Variants in PRRC2B observed in about 807,000 individuals in gnomAD.
The protein encoded by PRRC2B is protein PRRC2B.
Under a neutral mutation model 242.3 loss-of-function variants are expected in PRRC2B, and 68 were observed. The observed-to-expected ratio is 0.28, with a 90% CI of 0.23 to 0.34. The LOEUF (loss-of-function observed/expected upper bound fraction) is 0.34, where lower values mean the gene tolerates loss of function less well. Ranked by LOEUF, PRRC2B falls within the 10% of genes least tolerant of loss-of-function variation. The pLI is 1.00. For missense variants in PRRC2B, 2,835 were observed against 2,954.8 expected, an observed-to-expected ratio of 0.96 and a Z score of 0.94; for synonymous variants, 1,228 against 1,173.6, an observed-to-expected ratio of 1.05 and a Z score of -0.95.
intron 3 of PRRC2B, among the ~76,000 whole-genome samples, chr9:131,434,626 A>G (rs1315750296): frequency 6.6e-6 from 1 of 152,244 alleles, no homozygotes; most frequent in African/African-American, 2.4e-5. Context: ...GTTTGTAATA[A>G]TCACGAATGG....
intron 8 of PRRC2B, among the ~76,000 whole-genome samples, 172 bp from the exon 9 acceptor site, chr9:131,447,490 C>G (rs1023342884): frequency 2.6e-5 from 4 of 152,178 alleles, no homozygotes; most frequent in Non-Finnish European, 5.9e-5. Context: ...CAAGGCAGAA[C>G]TTCTTTCTGG....
Position 131,446,388 on chromosome 9 carries a change from T to C in PRRC2B, c.614-13T>C. On this transcript the variant is annotated splice_polypyrimidine_tract_variant and intron_variant, in intron 6 of 31. Coordinates refer to ENST00000683519, the MANE Select transcript of PRRC2B (RefSeq NM_013318.4). The surrounding 1 kb of genome is among the most constrained non-coding windows in gnomAD (Gnocchi z 4.1). ...CTCTTCCCTCTCCCCTTTTGCCCCC[T>C]TTCAATTTCCAGATGTGACAAGCTG... The C allele has an allele frequency of 6.2e-7, 1 of 1,613,340 alleles. No individual in the cohort carries two copies. The highest frequency in any genetic ancestry group is 8.5e-7 in the Non-Finnish European group (1 of 1,179,676).
intron 2 of PRRC2B, among the ~76,000 whole-genome samples, chr9:131,430,540 G>T (rs1349695269): frequency 1.5e-5 from 2 of 130,386 alleles, no homozygotes; most frequent in African/African-American, 2.8e-5. Flanking sequence ...TCTATCTATA[G>T]ATATCTATAG....
rs1036027720 is a variant in PRRC2B, at chr9:131,496,194, C to T, written c.*320C>T. The T allele has an allele frequency of 3.6e-5, 9 of 249,008 alleles. No individual in the cohort carries two copies. In the Admixed American group the frequency reaches 4.2e-4, roughly 11 times the overall value. The allele number at this position is 249,008 out of a possible 1,614,324, so 15.4% of individuals were successfully genotyped here. On this transcript the variant is annotated 3_prime_UTR_variant, in exon 32 of 32. Transcript: ENST00000683519. ...TCCCTGCCTCCTCCCTGTCCTGCCG[C>T]GCAGCCAGGGCGCCTTCTCAGCAGT... is the stretch of plus-strand genomic sequence containing the variant.
Position 131,447,810 on chromosome 9 carries a change from C to A in PRRC2B, c.1120+6C>A. On this transcript the variant is annotated splice_donor_region_variant and intron_variant, in intron 9 of 31. Coordinates refer to ENST00000683519, the MANE Select transcript of PRRC2B (RefSeq NM_013318.4). ...TGCCGATGATGGCTGGGCAGGTGGG[C>A]AGAGAAGCACGGGTGGTTTAGACGG... 1 of 1,609,236 alleles carries A rather than the reference C, an allele frequency of 6.2e-7. No homozygotes were observed.
rs891288868 is a variant in PRRC2B at position 131,473,716 on chromosome 9, G to T, written c.2316G>T (p.Met772Ile). Residue 772 changes from methionine (M) to isoleucine (I), a missense_variant, in exon 15 of 32, where the codon ATG (methionine) becomes ATT (isoleucine). By Grantham distance (10) the Met-to-Ile change is conservative. Coordinates refer to ENST00000683519, the MANE Select transcript of PRRC2B (RefSeq NM_013318.4). ...CGAGTGACACCTTGGCTATGGACAT[G>T]CGTGTCAGGTGAGATGAAGCCTGGT... ...PKSSDTLAMD[M>I]RVRNESSFSA... 19 of 1,612,624 alleles carry T rather than the reference G, an allele frequency of 1.2e-5. No individual in the cohort carries two copies. The highest frequency in any genetic ancestry group is 1.6e-5 in the Non-Finnish European group (19 of 1,179,354).
rs753544949 is a variant in PRRC2B at position 131,481,740 on chromosome 9, G to A, written c.4915G>A (p.Ala1639Thr). 1.5e-5 allele frequency: 23 copies of A among 1,563,422 alleles called. No homozygotes were observed. The highest frequency in any genetic ancestry group is 2.0e-5 in the Non-Finnish European group (23 of 1,154,604). Residue 1639 changes from alanine (A) to threonine (T), a missense_variant, in exon 20 of 32, where the codon GCC becomes ACC. Around this residue, in one of 7 missense-constraint regions of PRRC2B, gnomAD observed 1,536 missense variants for 1,483.1 expected, o/e 1.04. Transcript: ENST00000683519. ...ESSSQALPVQ[A>T]PANDSWRKAV... ...TCCCCTGGCAGCTCTCCCTGTGCAG[G>A]CCCCAGCCAACGACTCCTGGAGGAA...
At chr9:131,444,113 G>A in intron 5 of PRRC2B, 72 bp from the exon 6 acceptor site, 2 of 1,555,546 alleles carry the variant, frequency 1.3e-6, no homozygotes, top group Admixed American at 3.4e-5. Flanking sequence ...GGCTTTCAAG[G>A]TGTGGAGCTG....
At chr9:131,451,167 A>T (rs1046484499) in intron 9 of PRRC2B, among the ~76,000 whole-genome samples, 5 of 152,218 alleles carry the variant, frequency 3.3e-5, no homozygotes, top group African/African-American at 1.2e-4. Context: ...TGGGAGGCTG[A>T]GGTGGGTGGA....
intron 2 of PRRC2B, among the ~76,000 whole-genome samples, chr9:131,431,918 AATTT>A (rs765446204): frequency 2.0e-5 from 3 of 151,438 alleles, no homozygotes; most frequent in Non-Finnish European, 2.9e-5. Context: ...TTTGTTTTAA[AATTT>A]ATTTATTTAT....
rs1390381439 is a variant in PRRC2B, at chr9:131,477,999, G to A, written c.4612+50G>A. 3.9e-6 allele frequency: 6 copies of A among 1,549,712 alleles called. No individual in the cohort carries two copies. The East Asian group carries it at 1.1e-4, about 29-fold the overall frequency. On this transcript the variant is annotated intron_variant, in intron 17 of 31. Transcript: ENST00000683519. ...GGAAAGAACTCAGGCAGAACCAGGGGCCATGCAGTCCTCGGGCCTCCCGAG... is the reference window on the plus strand; with the variant it reads ...GGAAAGAACTCAGGCAGAACCAGGGACCATGCAGTCCTCGGGCCTCCCGAG...
At chr9:131,465,497 C>T (rs528003120) in intron 12 of PRRC2B, among the ~76,000 whole-genome samples, 3 of 152,254 alleles carry the variant, frequency 2.0e-5, no homozygotes, top group Middle Eastern at 3.4e-3. Flanking sequence ...CCTGCCAGCA[C>T]GCGGAGGGGT....
chr9:131,413,356 C>T (rs1391004839), intron 1 of PRRC2B, among the ~76,000 whole-genome samples: 2 of 152,172 alleles, frequency 1.3e-5, no homozygotes, highest in Non-Finnish European at 2.9e-5. Context: ...GTAGGGTGGA[C>T]GCATCAGGTT....
chr9:131,458,174 T>A (rs1465514860), intron 10 of PRRC2B, among the ~76,000 whole-genome samples: 2 of 152,116 alleles, frequency 1.3e-5, no homozygotes, highest in African/African-American at 4.8e-5. Context: ...ATTGTGGCAC[T>A]GTTTAGTAGT....
At chr9:131,477,464 T>TTG (rs894602646) in intron 16 of PRRC2B, among the ~76,000 whole-genome samples, 1 of 152,118 alleles carries the variant, frequency 6.6e-6, no homozygotes, top group African/African-American at 2.4e-5. Context: ...CATATTCCCC[T>TTG]TGTCTCTCTC....
chr9:131,457,919 C>T (rs759531813), intron 10 of PRRC2B, among the ~76,000 whole-genome samples: 27 of 152,140 alleles, frequency 1.8e-4, no homozygotes, highest in African/African-American at 5.3e-4. Flanking sequence ...TCCCTCGCCA[C>T]GTACGTGTGT....
chr9:131,450,208 C>T (rs993859115), intron 9 of PRRC2B, among the ~76,000 whole-genome samples: 4 of 151,960 alleles, frequency 2.6e-5, no homozygotes, highest in South Asian at 2.1e-4. Context: ...AAAGGGCCTG[C>T]GGGCATTTTG....
At chr9:131,420,473 C>CTTTCTTTCTTTCTTTCTTTT (rs1837787566) in intron 1 of PRRC2B, among the ~76,000 whole-genome samples, 1 of 12,616 alleles carries the variant, frequency 7.9e-5, no homozygotes, top group Admixed American at 7.3e-4. Context: ...TTCTTTCTTT[C>CTTTCTTTCTTTCTTTCTTTT]TTTCTTTCTT....
At chr9:131,476,815 C>T (rs928894827) in intron 16 of PRRC2B, among the ~76,000 whole-genome samples, 2 of 151,892 alleles carry the variant, frequency 1.3e-5, no homozygotes, top group African/African-American at 2.4e-5. Context: ...CCTGGAGCCC[C>T]GCCGAGGGGC....
Sources: gnomAD v4.1 joint callset for allele counts (sites outside exome capture counted in the v4.1 genomes callset) on GRCh38, gnomAD v4.1.1 for gene constraint, gnomAD v4.1.1 regional missense constraint, Gnocchi (gnomAD v3.1) non-coding constraint, MANE v1.5 for transcripts, NCBI Gene and HGNC (gene_info 2026-07-23, HGNC 2026-07-21) for gene names.